Variants in NKAIN1 observed in about 807,000 individuals in gnomAD.
The protein encoded by NKAIN1 is sodium/potassium-transporting ATPase subunit beta-1-interacting protein 1.
NKAIN1 carries 13 observed loss-of-function variants against 31.6 expected under a neutral mutation model. The ratio of observed to expected loss-of-function variants is 0.41; its 90% CI spans 0.27 to 0.65. The LOEUF is 0.65. Among genes scored for constraint, NKAIN1 ranks in the 30% least tolerant of loss-of-function variants. The pLI is 0.30. For synonymous variants in NKAIN1, 104 were observed against 109.0 expected (o/e 0.95, Z 0.28); for missense variants, 193 against 262.2 (o/e 0.74, Z 1.82).
chr1:31,224,892 C>G (rs1464460166), intron 1 of NKAIN1, among the ~76,000 whole-genome samples: 1 of 152,164 alleles, frequency 6.6e-6, no homozygotes, highest in Admixed American at 6.5e-5. Flanking sequence ...CTGAGGGGGG[C>G]AGTGCCCACC....
At chr1:31,201,615 C>T (rs927112968) in intron 1 of NKAIN1, among the ~76,000 whole-genome samples, 3 of 152,124 alleles carry the variant, frequency 2.0e-5, no homozygotes, top group African/African-American at 7.2e-5. Flanking sequence ...CCCTCCTGGG[C>T]CTCCCAAAGT....
At chr1:31,218,534 C>T (rs770015756) in intron 1 of NKAIN1, among the ~76,000 whole-genome samples, 7 of 152,178 alleles carry the variant, frequency 4.6e-5, no homozygotes, top group Non-Finnish European at 7.3e-5. Flanking sequence ...CAACTTGCCT[C>T]TGTTCACACT....
rs541939518 is a variant in NKAIN1, at chr1:31,232,627, T to C, written c.54+6867A>G. Among the ~76,000 whole-genome samples, 44 of 151,136 alleles carry C rather than the reference T, an allele frequency of 2.9e-4. 1 individual carries two copies. Among genetic ancestry groups the C allele is most frequent in the African/African-American group, 7.5e-4 (31 of 41,128 alleles). ...TAAAAATACACCTGTAGCCTTAGTC[T>C]GCCTTCCTGTCACCCATCTCTCCTT... On this transcript the variant is annotated intron_variant, in intron 1 of 6. Coordinates refer to ENST00000373736, the MANE Select transcript of NKAIN1 (RefSeq NM_024522.3).
At chr1:31,218,297 C>CATG (rs918324575) in intron 1 of NKAIN1, among the ~76,000 whole-genome samples, 2 of 151,984 alleles carry the variant, frequency 1.3e-5, no homozygotes, top group Non-Finnish European at 2.9e-5. Context: ...CTCCTGACCT[C>CATG]ATGATCCTCC....
intron 1 of NKAIN1, among the ~76,000 whole-genome samples, chr1:31,238,305 T>C (rs1484022851): frequency 6.6e-6 from 1 of 152,104 alleles, no homozygotes; most frequent in East Asian, 1.9e-4. Context: ...GCTCCTGTGG[T>C]GGGGAGGGCG....
chr1:31,186,757 C>T (rs982850923), intron 2 of NKAIN1, among the ~76,000 whole-genome samples: 5 of 152,190 alleles, frequency 3.3e-5, no homozygotes, highest in African/African-American at 9.7e-5. Flanking sequence ...CAATGTGCCC[C>T]GCTCCAGCAA....
At chr1:31,212,611 C>T (rs897961014) in intron 1 of NKAIN1, among the ~76,000 whole-genome samples, 4 of 151,988 alleles carry the variant, frequency 2.6e-5, no homozygotes, top group Admixed American at 2.6e-4. Context: ...CACCATGTTG[C>T]CCACACTGGT....
At chr1:31,219,021 C>G (rs1431347299) in intron 1 of NKAIN1, among the ~76,000 whole-genome samples, 1 of 152,254 alleles carries the variant, frequency 6.6e-6, no homozygotes, top group Non-Finnish European at 1.5e-5. Context: ...AGTCCAGACC[C>G]TTCTCTAACA....
intron 1 of NKAIN1, among the ~76,000 whole-genome samples, chr1:31,212,564 C>T (rs1457735457): frequency 6.6e-6 from 1 of 152,082 alleles, no homozygotes; most frequent in Non-Finnish European, 1.5e-5. Context: ...ACCACCAAAC[C>T]CGGCTACTTT....
intron 1 of NKAIN1, among the ~76,000 whole-genome samples, chr1:31,193,420 G>A (rs534860352): frequency 1.0e-3 from 152 of 151,966 alleles, no homozygotes; most frequent in African/African-American, 3.4e-3. Context: ...AGTCAAGGCC[G>A]GTGCAGTGGC....
chr1:31,219,927 A>C (rs949861932), intron 1 of NKAIN1, among the ~76,000 whole-genome samples: 1 of 151,912 alleles, frequency 6.6e-6, no homozygotes, highest in Non-Finnish European at 1.5e-5. Flanking sequence ...GGTCTGTGAA[A>C]TGTTTGTGCC....
chr1:31,220,627 C>A (rs562951873), intron 1 of NKAIN1, among the ~76,000 whole-genome samples: 2 of 152,064 alleles, frequency 1.3e-5, no homozygotes, highest in Admixed American at 1.3e-4. Context: ...TGGTGGCATG[C>A]ACCTATAATC....
In NKAIN1 at chr1:31,239,064, CA is replaced by C. The variant is rs546726395; in HGVS notation, c.54+429del. Among the ~76,000 whole-genome samples the C allele has an allele frequency of 4.2e-4, 64 of 152,210 alleles. No homozygotes were observed. Among genetic ancestry groups the C allele is most frequent in the African/African-American group, 1.5e-3 (63 of 41,520 alleles). On this transcript the variant is annotated intron_variant, in intron 1 of 6. Coordinates refer to ENST00000373736, the MANE Select transcript of NKAIN1 (RefSeq NM_024522.3). The surrounding 1 kb of genome is among the most constrained non-coding windows in gnomAD (Gnocchi z 4.8). ...GAAACGCTCACACAGGGGTGGTGAT[CA>C]GAGGCAGAGACCCAGAGGAAGGGAG... is the stretch of plus-strand genomic sequence containing the variant.
chr1:31,231,719 A>G (rs1210833905), intron 1 of NKAIN1, among the ~76,000 whole-genome samples: 1 of 151,052 alleles, frequency 6.6e-6, no homozygotes, highest in Admixed American at 6.6e-5. Flanking sequence ...TTTAGTAGAG[A>G]CAGGGTTTCA....
chr1:31,197,236 C>T lies in NKAIN1; in HGVS notation c.55-9049G>A, dbSNP rs541882646. Among the ~76,000 whole-genome samples, 8 of 151,018 alleles carry T rather than the reference C, an allele frequency of 5.3e-5. No individual in the cohort carries two copies. In the South Asian group the frequency reaches 8.4e-4, roughly 16 times the overall value. ...ACGCCATTCTCCTGCCTCAGCCTCC[C>T]GAGTAGCTGGGACTACAGGCACCCA... is the stretch of plus-strand genomic sequence containing the variant. On this transcript the variant is annotated intron_variant, in intron 1 of 6. Transcript: ENST00000373736.
At chr1:31,213,063 CATT>C (rs1257765814) in intron 1 of NKAIN1, among the ~76,000 whole-genome samples, 2 of 131,712 alleles carry the variant, frequency 1.5e-5, no homozygotes, top group Non-Finnish European at 3.2e-5. Context: ...TTTTGAAAAA[CATT>C]AGTATATCAA....
chr1:31,205,989 T>G (rs989860666), intron 1 of NKAIN1, among the ~76,000 whole-genome samples: 2 of 150,822 alleles, frequency 1.3e-5, no homozygotes, highest in Non-Finnish European at 3.0e-5. Flanking sequence ...ATCCCAGCAC[T>G]TTGGGAGGCT....
At chr1:31,205,218 T>A (rs1372528577) in intron 1 of NKAIN1, among the ~76,000 whole-genome samples, 1 of 151,766 alleles carries the variant, frequency 6.6e-6, no homozygotes, top group African/African-American at 2.4e-5. Context: ...GCAACCTCTG[T>A]CTCCCGGGTT....
intron 1 of NKAIN1, among the ~76,000 whole-genome samples, chr1:31,231,795 G>A (rs12044450): frequency 0.22 from 33,488 of 152,090 alleles, 4,333 homozygotes; most frequent in East Asian, 0.41. Flanking sequence ...CTCCCAAAGT[G>A]CCGGGATTAC....
Sources: allele counts gnomAD v4.1 joint callset (sites outside exome capture counted in the v4.1 genomes callset), GRCh38; gene constraint gnomAD v4.1.1; non-coding constraint Gnocchi (gnomAD v3.1); transcripts MANE v1.5; gene names NCBI Gene and HGNC (gene_info 2026-07-23, HGNC 2026-07-21).